The following ZCWPW2 variants were observed in gnomAD, a reference collection of about 807,000 sequenced individuals.
The protein encoded by ZCWPW2 is zinc finger CW-type and PWWP domain containing 2, also known as zinc finger CW-type PWWP domain protein 2.
ZCWPW2 carries 45 observed loss-of-function variants against 46.6 expected under a neutral mutation model. The observed-to-expected ratio is 0.96, with a 90% CI of 0.76 to 1.24. The LOEUF is 1.24. ZCWPW2 is among the 50% of genes most tolerant of loss of function. The pLI is 0.00. For missense variants in ZCWPW2, 429 were observed against 403.9 expected, an observed-to-expected ratio of 1.06 and a Z score of -0.53; for synonymous variants, 152 against 137.1, an observed-to-expected ratio of 1.11 and a Z score of -0.76.
intron 2 of ZCWPW2, among the ~76,000 whole-genome samples, chr3:28,397,573 G>A (rs887242290): frequency 2.6e-5 from 4 of 152,136 alleles, no homozygotes; most frequent in African/African-American, 9.7e-5. Flanking sequence ...GGGAGGCTGA[G>A]GCAGGAGAAT....
At chr3:28,352,227 C>T (rs1704581323) in intron 1 of ZCWPW2, among the ~76,000 whole-genome samples, 1 of 151,604 alleles carries the variant, frequency 6.6e-6, no homozygotes, top group Non-Finnish European at 1.5e-5. Context: ...TGTATCCAAA[C>T]CTGTGTGCAT....
rs1698028216 is a variant in ZCWPW2 at position 28,447,218 on chromosome 3, A to AG, written c.492+11951dup. The stretch of plus-strand genomic sequence containing the variant: ...AAACACTGCAAAGAAAGAAAAGTAT[A>AG]GGCCAGTATTCCTTATTTACATTGA... On this transcript the variant is annotated intron_variant, in intron 4 of 9. Transcript: ENST00000383768. Among the ~76,000 whole-genome samples, 3 of 152,172 alleles carry AG rather than the reference A, an allele frequency of 2.0e-5. No homozygotes were observed. In the South Asian group the frequency reaches 6.2e-4, roughly 32 times the overall value.
chr3:28,431,095 C>G lies in ZCWPW2; in HGVS notation c.333-4015C>G, dbSNP rs1389851221. Among the ~76,000 whole-genome samples, 4 of 152,172 alleles carry G rather than the reference C, an allele frequency of 2.6e-5. No homozygotes were observed. The South Asian group carries it at 8.3e-4, about 32-fold the overall frequency. On this transcript the variant is annotated intron_variant, in intron 3 of 9. Transcript: ENST00000383768. Reference sequence around the variant, plus strand: ...ATAACCTACAGTCCTCAAATTCAAGCAATTTATGGATATTTTATTTTTGTG... The same window carrying G: ...ATAACCTACAGTCCTCAAATTCAAGGAATTTATGGATATTTTATTTTTGTG...
intron 4 of ZCWPW2, 82 bp downstream of exon 4, chr3:28,435,351 G>T: frequency 7.2e-7 from 1 of 1,386,218 alleles, no homozygotes; most frequent in Non-Finnish European, 9.7e-7. Flanking sequence ...CATAAAATAT[G>T]TATAAGTTGC....
At chr3:28,448,690 C>T (rs1698095628) in intron 4 of ZCWPW2, among the ~76,000 whole-genome samples, 1 of 149,194 alleles carries the variant, frequency 6.7e-6, no homozygotes, top group Non-Finnish European at 1.5e-5. Flanking sequence ...GTGGCTGAGG[C>T]ATGATAGTTG....
Position 28,348,900 on chromosome 3 carries a change from G to A in ZCWPW2, c.-437G>A. Reference sequence around the variant, plus strand: ...CCCAGCAATACGCGCGCGAGACCCAGGCCCGCCGTCGGGACCAGCACGGGC... The same window carrying A: ...CCCAGCAATACGCGCGCGAGACCCAAGCCCGCCGTCGGGACCAGCACGGGC... On this transcript the variant is annotated 5_prime_UTR_variant, in exon 1 of 10. Transcript: ENST00000383768. The A allele has an allele frequency of 1.0e-6, 1 of 968,958 alleles. No homozygotes were observed. The highest frequency in any genetic ancestry group is 1.2e-6 in the Non-Finnish European group (1 of 814,886). The allele number at this position is 968,958 out of a possible 1,614,324, so 60.0% of individuals were successfully genotyped here.
At chr3:28,520,326 A>AT (rs949499997) in intron 8 of ZCWPW2, among the ~76,000 whole-genome samples, 1 of 152,108 alleles carries the variant, frequency 6.6e-6, no homozygotes, top group African/African-American at 2.4e-5. Context: ...TAAATGCAGT[A>AT]TTTTTTTAAA....
intron 4 of ZCWPW2, among the ~76,000 whole-genome samples, chr3:28,474,806 TG>T (rs1699177121): frequency 1.5e-4 from 1 of 6,786 alleles, no homozygotes; most frequent in Non-Finnish European, 4.1e-4. Context: ...CTGAACTATT[TG>T]TTGTTGTTGT....
At chr3:28,514,037 A>T (rs1280412130) in intron 6 of ZCWPW2, 27 bp from the exon 7 acceptor site, 4 of 1,475,940 alleles carry the variant, frequency 2.7e-6, no homozygotes, top group Non-Finnish European at 3.7e-6. Flanking sequence ...ATATGAACTA[A>T]CTCATATTTT....
At chr3:28,468,520 A>G (rs915925775) in intron 4 of ZCWPW2, among the ~76,000 whole-genome samples, 5 of 152,200 alleles carry the variant, frequency 3.3e-5, no homozygotes, top group African/African-American at 9.6e-5. Context: ...GCATTTAATA[A>G]TCAAACTTCC....
intron 4 of ZCWPW2, among the ~76,000 whole-genome samples, chr3:28,452,439 G>A (rs1011170190): frequency 2.0e-5 from 3 of 152,094 alleles, no homozygotes; most frequent in African/African-American, 7.2e-5. Context: ...GGGATTACAG[G>A]TGCCTGCCAC....
At chr3:28,429,248 A>C (rs914718769) in intron 3 of ZCWPW2, among the ~76,000 whole-genome samples, 1 of 152,178 alleles carries the variant, frequency 6.6e-6, no homozygotes. Flanking sequence ...GGGACCTGGA[A>C]TAAAGGTGAC....
In ZCWPW2 at chr3:28,500,381, T is replaced by G. The variant is rs531335606; in HGVS notation, c.657+8208T>G. On this transcript the variant is annotated intron_variant, in intron 6 of 9. Coordinates refer to ENST00000383768, the MANE Select transcript of ZCWPW2 (RefSeq NM_001040432.4). ...TTATTTAGTTTTTTCAATAGAGAAT[T>G]TTACATATTTCTAATTAACTCTATC... Among the ~76,000 whole-genome samples, 4 of 152,194 alleles carry G rather than the reference T, an allele frequency of 2.6e-5. No homozygotes were observed. The East Asian group carries it at 7.7e-4, about 29-fold the overall frequency.
At chr3:28,504,822 G>A (rs746947961) in intron 6 of ZCWPW2, among the ~76,000 whole-genome samples, 1 of 152,144 alleles carries the variant, frequency 6.6e-6, no homozygotes, top group Non-Finnish European at 1.5e-5. Flanking sequence ...CACAAATTCT[G>A]CTTTCCATGG....
chr3:28,525,188 A>G lies in ZCWPW2; in HGVS notation c.*500A>G, dbSNP rs1015943226. 1.3e-5 allele frequency: 2 copies of G among 152,346 alleles called. No homozygotes were observed. The highest frequency in any genetic ancestry group is 2.9e-5 in the Non-Finnish European group (2 of 68,180). The allele number at this position is 152,346 out of a possible 1,614,324, so 9.4% of individuals were successfully genotyped here. ...AACTTTTCCTAAAAAGCAAAATTTCACTTGCTACTTCTACTGGAATCAGTT... is the reference window on the plus strand; with the variant it reads ...AACTTTTCCTAAAAAGCAAAATTTCGCTTGCTACTTCTACTGGAATCAGTT... On this transcript the variant is annotated 3_prime_UTR_variant, in exon 10 of 10. Coordinates refer to ENST00000383768, the MANE Select transcript of ZCWPW2 (RefSeq NM_001040432.4).
At chr3:28,423,078 A>G (rs1359214529) in intron 3 of ZCWPW2, among the ~76,000 whole-genome samples, 2 of 151,916 alleles carry the variant, frequency 1.3e-5, no homozygotes, top group African/African-American at 4.8e-5. Context: ...AAGTTTGAAG[A>G]GTTCTTTGTA....
intron 1 of ZCWPW2, among the ~76,000 whole-genome samples, chr3:28,365,867 C>T (rs1268777155): frequency 2.1e-5 from 3 of 141,012 alleles, no homozygotes; most frequent in Non-Finnish European, 4.8e-5. Flanking sequence ...CTTCATCTCC[C>T]GTGTAAGTTG....
intron 4 of ZCWPW2, among the ~76,000 whole-genome samples, chr3:28,467,401 G>A (rs1280428648): frequency 1.3e-5 from 2 of 151,788 alleles, no homozygotes; most frequent in African/African-American, 2.4e-5. Flanking sequence ...ACTAACACAG[G>A]ACTTGAATCA....
At chr3:28,373,110 A>G (rs1439890508) in intron 1 of ZCWPW2, among the ~76,000 whole-genome samples, 1 of 152,176 alleles carries the variant, frequency 6.6e-6, no homozygotes, top group African/African-American at 2.4e-5. Flanking sequence ...GAATAGTGCT[A>G]CAATAAACAG....
Sources: gnomAD v4.1 joint callset for allele counts (sites outside exome capture counted in the v4.1 genomes callset) on GRCh38, gnomAD v4.1.1 for gene constraint, MANE v1.5 for transcripts, NCBI Gene and HGNC (gene_info 2026-07-23, HGNC 2026-07-21) for gene names.